The following DST variants were observed in gnomAD, a reference collection of about 807,000 sequenced individuals.
DST encodes the protein dystonin.
Under a neutral mutation model 875.2 loss-of-function variants are expected in DST, and 253 were observed. The observed-to-expected ratio is 0.29, with a 90% CI of 0.26 to 0.32. The LOEUF (loss-of-function observed/expected upper bound fraction) is 0.32. DST is among the 10% of genes least tolerant of loss of function. DST has a pLI of 1.00. For missense variants in DST, 8,287 were observed against 9,111.6 expected (o/e 0.91, Z 3.68); for synonymous variants, 3,124 against 3,197.1 (o/e 0.98, Z 0.77).
chr6:56,699,116 G>A (rs1454640142), intron 9 of DST, among the ~76,000 whole-genome samples: 1 of 152,114 alleles, frequency 6.6e-6, no homozygotes, highest in Non-Finnish European at 1.5e-5. Context: ...GTCCTCAATT[G>A]GCTCAGGTTT....
At chr6:56,582,412 T>C (rs2098023852) in intron 49 of DST, among the ~76,000 whole-genome samples, 1 of 152,092 alleles carries the variant, frequency 6.6e-6, no homozygotes, top group African/African-American at 2.4e-5. Context: ...CCTCTCTCTC[T>C]CTCTCACTTG....
At chr6:56,699,837 C>T (rs2099285980) in intron 8 of DST, 92 bp from the exon 9 acceptor site, 2 of 550,632 alleles carry the variant, frequency 3.6e-6, no homozygotes, top group South Asian at 6.0e-5. Context: ...TAAAATTATA[C>T]AAAGAAAAAA....
chr6:56,576,729 C>T (rs2097870107), intron 50 of DST, among the ~76,000 whole-genome samples: 1 of 151,976 alleles, frequency 6.6e-6, no homozygotes. Context: ...GGATTAGCGC[C>T]CTTAGAAGAA....
Position 56,558,838 on chromosome 6 carries a change from G to A in DST, c.14441-1320C>T, listed in dbSNP as rs2152563773. Among the ~76,000 whole-genome samples the A allele has an allele frequency of 2.0e-5, 3 of 152,176 alleles. No homozygotes were observed. The South Asian group carries it at 6.2e-4, about 32-fold the overall frequency. ...ACAGGCTTTTGCTCACACAGGTCCT[G>A]TGCCTGAGATGCTATACCTCCTCTC... On this transcript the variant is annotated intron_variant, in intron 58 of 103. Transcript: ENST00000680361.
intron 3 of DST, among the ~76,000 whole-genome samples, chr6:56,894,585 T>A (rs1322933247): frequency 5.7e-5 from 2 of 35,028 alleles, no homozygotes; most frequent in Non-Finnish European, 9.6e-5. Context: ...AGAGGGGTCC[T>A]CACTTCCCAG....
Position 56,459,056 on chromosome 6 carries a change from C to T in DST, c.23406G>A (p.Thr7802=), listed in dbSNP as rs199881276. ...PSTAKPSKIP[T]PQRKSPASKL... ...TGCTGGCAGGTGATTTCCTCTGGGG[C>T]GTGGGGATTTTTGAAGGCTTCGCTG... Residue 7802 remains threonine (T), a synonymous_variant, in exon 104 of 104, where the codon ACG becomes ACA. Transcript: ENST00000680361. 440 of 1,613,748 alleles carry T rather than the reference C, an allele frequency of 2.7e-4. No individual in the cohort carries two copies. Among genetic ancestry groups the T allele is most frequent in the Non-Finnish European group, 3.5e-4 (413 of 1,179,808 alleles).
chr6:56,627,077 A>C (rs2098741434), intron 34 of DST, 127 bp downstream of exon 34: 1 of 746,874 alleles, frequency 1.3e-6, no homozygotes, highest in Non-Finnish European at 2.3e-6. Context: ...TTATTAGATA[A>C]GTGTCAAAAA....
In DST at chr6:56,709,272, C is replaced by T. The variant is rs182439000; in HGVS notation, c.688-4903G>A. Reference sequence around the variant, plus strand: ...AGACTAGAAAACACTCTATGGGCAACAAAAATTCTAAACAAGATGCTGGCG... The same window carrying T: ...AGACTAGAAAACACTCTATGGGCAATAAAAATTCTAAACAAGATGCTGGCG... On this transcript the variant is annotated intron_variant, in intron 5 of 103. Transcript: ENST00000680361. 1.2e-4 allele frequency among the ~76,000 whole-genome samples: 18 copies of T among 152,242 alleles called. No individual in the cohort carries two copies. The East Asian group carries it at 3.3e-3, about 28-fold the overall frequency.
intron 63 of DST, among the ~76,000 whole-genome samples, chr6:56,533,513 T>C (rs1266504763): frequency 1.3e-5 from 2 of 152,218 alleles, no homozygotes; most frequent in Non-Finnish European, 2.9e-5. Flanking sequence ...GGGTAAGACA[T>C]ACAAACTGTG....
intron 4 of DST, among the ~76,000 whole-genome samples, chr6:56,774,078 C>A (rs1163349911): frequency 6.8e-6 from 1 of 147,762 alleles, no homozygotes; most frequent in Non-Finnish European, 1.5e-5. Context: ...GGCACCACTG[C>A]ACTCCAGCCT....
chr6:56,544,684 T>C (rs964931657), intron 61 of DST, among the ~76,000 whole-genome samples: 3 of 81,398 alleles, frequency 3.7e-5, no homozygotes, highest in Non-Finnish European at 8.8e-5. Context: ...TGGGAAAATA[T>C]TCCCTAGTTA....
At chr6:56,762,402 C>A (rs775266011) in intron 4 of DST, among the ~76,000 whole-genome samples, 1 of 152,268 alleles carries the variant, frequency 6.6e-6, no homozygotes, top group East Asian at 1.9e-4. Context: ...CCAGGCCCAA[C>A]AAAAATTTAC....
chr6:56,936,646 T>A (rs1481717338), intron 2 of DST, among the ~76,000 whole-genome samples: 1 of 152,140 alleles, frequency 6.6e-6, no homozygotes, highest in Non-Finnish European at 1.5e-5. Flanking sequence ...TTATCTTCCT[T>A]CCTGGATGCA....
chr6:56,640,425 A>C lies in DST; in HGVS notation c.2208T>G (p.Ser736Arg), dbSNP rs1385086363. The change falls in exon 18 of 104, where the codon AGT becomes AGG. Residue 736 changes from serine (S) to arginine (R), a missense_variant. By Grantham distance (110) the Ser-to-Arg change is moderately radical. Coordinates refer to ENST00000680361, the MANE Select transcript of DST (RefSeq NM_001374736.1). ...HPSLTSGLTQ[S>R]LTPSLTSSSM... is the part of the protein sequence containing the mutation. Reference sequence around the variant, plus strand: ...TAGAAGAGGTTAGGGAAGGTGTTAAACTCTGGGTCAGCCCTGAGGTCAGAC... The same window carrying C: ...TAGAAGAGGTTAGGGAAGGTGTTAACCTCTGGGTCAGCCCTGAGGTCAGAC... 1 of 1,614,126 alleles carries C rather than the reference A, an allele frequency of 6.2e-7. No individual in the cohort carries two copies. The highest frequency in any genetic ancestry group is 1.7e-5 in the Admixed American group (1 of 60,020).
chr6:56,592,806 T>C (rs901278980), intron 48 of DST, among the ~76,000 whole-genome samples: 1 of 152,106 alleles, frequency 6.6e-6, no homozygotes, highest in Non-Finnish European at 1.5e-5. Flanking sequence ...GAGCCAGTGA[T>C]GGTCTTTAAA....
At chr6:56,905,571 T>C (rs547582494) in intron 2 of DST, among the ~76,000 whole-genome samples, 2 of 152,324 alleles carry the variant, frequency 1.3e-5, no homozygotes, top group African/African-American at 4.8e-5. Context: ...ATTCATACTG[T>C]TGCATATGCC....
At position 56,604,330 on chromosome 6, in the gene DST, T is replaced by A. The variant is rs1318007407; in HGVS notation, c.10298A>T (p.Asp3433Val). The change falls in exon 40 of 104, where the codon GAT becomes GTT. Residue 3433 changes from aspartate (D) to valine (V), a missense_variant. Asp to Val is a radical substitution (Grantham distance 152). Around this residue, in one of 10 missense-constraint regions of DST, gnomAD observed 3,138 missense variants for 3,116.6 expected, o/e 1.01. Coordinates refer to ENST00000680361, the MANE Select transcript of DST (RefSeq NM_001374736.1). ...CTTAAGATTTCCAATACAGAAAGGA[T>A]CATCTCTACTTTCTGGCTTTAGTTC... ...SSELKPESRD[D>V]PFCIGNLKSE... is the part of the protein sequence containing the mutation. 7 of 1,612,360 alleles carry A rather than the reference T, an allele frequency of 4.3e-6. No individual in the cohort carries two copies. The highest frequency in any genetic ancestry group is 5.9e-6 in the Non-Finnish European group (7 of 1,179,040).
In DST at chr6:56,463,682, G is replaced by C; in HGVS notation, c.22842C>G (p.Pro7614=). 6.2e-7 allele frequency: 1 copy of C among 1,614,000 alleles called. No homozygotes were observed. Among genetic ancestry groups the C allele is most frequent in the Non-Finnish European group, 8.5e-7 (1 of 1,179,902 alleles). The stretch of plus-strand genomic sequence containing the variant: ...ATGATGGCCGGGATCTTCGGCCTCG[G>C]GGTCGGAAAGCAGCCATACCCTGGC... ...GASQGMAAFR[P]RGRRSRPSSR... is the part of the protein sequence containing the mutation. Residue 7614 remains proline (P), a synonymous_variant, in exon 101 of 104, where the codon CCC becomes CCG. Coordinates refer to ENST00000680361, the MANE Select transcript of DST (RefSeq NM_001374736.1).
In DST at chr6:56,482,187, T is replaced by TCACACACA; in HGVS notation, c.21403-17_21403-10dup. On this transcript the variant is annotated splice_polypyrimidine_tract_variant and intron_variant, in intron 89 of 103. Transcript: ENST00000680361. ...GAGTGGAATTCCTCTGCCTAAGAGT[T>TCACACACA]CACACACACACACACCCCAAACAAA... is the stretch of plus-strand genomic sequence containing the variant. 4 of 1,590,764 alleles carry TCACACACA rather than the reference T, an allele frequency of 2.5e-6. No individual in the cohort carries two copies. Among genetic ancestry groups the TCACACACA allele is most frequent in the Non-Finnish European group, 3.4e-6 (4 of 1,161,508 alleles).
Sources: allele counts gnomAD v4.1 joint callset (sites outside exome capture counted in the v4.1 genomes callset), GRCh38; gene constraint gnomAD v4.1.1; regional missense constraint gnomAD v4.1.1; transcripts MANE v1.5; gene names NCBI Gene and HGNC (gene_info 2026-07-23, HGNC 2026-07-21).